The following DOCK2 variants were observed in gnomAD, a reference collection of about 807,000 sequenced individuals.
The protein encoded by DOCK2 is dedicator of cytokinesis protein 2.
In DOCK2, 87 loss-of-function variants were observed where a neutral mutation model predicts 248.9. The ratio of observed to expected loss-of-function variants is 0.35; its 90% confidence interval spans 0.29 to 0.42. DOCK2 has a LOEUF of 0.42. Among genes scored for constraint, DOCK2 ranks in the 10% least tolerant of loss-of-function variants. DOCK2 has a pLI of 1.00. For missense variants in DOCK2, 1,747 were observed against 2,300.2 expected (o/e 0.76, Z 4.92); for synonymous variants, 805 against 821.6 (o/e 0.98, Z 0.35).
At chr5:169,973,825 A>G (rs1218968012) in intron 27 of DOCK2, among the ~76,000 whole-genome samples, 2 of 152,158 alleles carry the variant, frequency 1.3e-5, no homozygotes, top group Admixed American at 6.5e-5. Context: ...CTATCTGTGT[A>G]TATCATCTAG....
intron 32 of DOCK2, among the ~76,000 whole-genome samples, chr5:170,010,797 C>G (rs1026124150): frequency 2.0e-5 from 3 of 152,160 alleles, no homozygotes; most frequent in Non-Finnish European, 2.9e-5. Context: ...TTCCCCAGCT[C>G]GACACCCCAG....
Position 169,642,566 on chromosome 5 carries a change from G to A in DOCK2, c.43+5197G>A, listed in dbSNP as rs549043295. 8.5e-5 allele frequency among the ~76,000 whole-genome samples: 13 copies of A among 152,286 alleles called. No homozygotes were observed. The South Asian group carries it at 2.5e-3, about 29-fold the overall frequency. ...GCTACAGTGGCTGACTGTACCTTTG[G>A]ATTGGTCCCCAGAAATTAGTCTGGT... On this transcript the variant is annotated intron_variant, in intron 1 of 51. Coordinates refer to ENST00000520908, the MANE Select transcript of DOCK2 (RefSeq NM_004946.3).
chr5:169,853,203 C>T (rs893534810), intron 27 of DOCK2, among the ~76,000 whole-genome samples: 1 of 152,218 alleles, frequency 6.6e-6, no homozygotes, highest in Non-Finnish European at 1.5e-5. Flanking sequence ...ACTCCCCAGC[C>T]AAGTGGAACT....
At chr5:169,796,896 G>A (rs1766687781) in intron 25 of DOCK2, among the ~76,000 whole-genome samples, 1 of 152,212 alleles carries the variant, frequency 6.6e-6, no homozygotes, top group African/African-American at 2.4e-5. Flanking sequence ...CGCCCACGAT[G>A]AGTTAAGGGA....
chr5:169,815,349 T>C (rs1767999065), intron 26 of DOCK2, among the ~76,000 whole-genome samples: 1 of 152,232 alleles, frequency 6.6e-6, no homozygotes, highest in South Asian at 2.1e-4. Flanking sequence ...CAGCATCAGC[T>C]AGAAATACTT....
intron 27 of DOCK2, among the ~76,000 whole-genome samples, chr5:169,956,552 A>T (rs1407103379): frequency 6.6e-6 from 1 of 152,244 alleles, no homozygotes; most frequent in African/African-American, 2.4e-5. Context: ...GAAAGGTATC[A>T]TCTACCTTTT....
At position 169,921,663 on chromosome 5, in the gene DOCK2, C is replaced by A. The variant is rs554893398; in HGVS notation, c.2800-61405C>A. On this transcript the variant is annotated intron_variant, in intron 27 of 51. Coordinates refer to ENST00000520908, the MANE Select transcript of DOCK2 (RefSeq NM_004946.3). ...ACCTCATCAAAGAGCCCTTACAGAG[C>A]TGTGGAGAGGAGCACTTGGGAGAAG... Among the ~76,000 whole-genome samples the A allele has an allele frequency of 5.0e-4, 76 of 152,276 alleles. 2 individuals carry two copies. In the South Asian group the frequency reaches 5.6e-3, roughly 11 times the overall value.
At chr5:169,699,542 C>A in intron 12 of DOCK2, 84 bp downstream of exon 12, 2 of 1,325,832 alleles carry the variant, frequency 1.5e-6, no homozygotes, top group Non-Finnish European at 2.1e-6. Context: ...AAATCCTGAA[C>A]CCTGGGATAC....
At chr5:169,771,202 A>G (rs1014767945) in intron 25 of DOCK2, among the ~76,000 whole-genome samples, 1 of 152,200 alleles carries the variant, frequency 6.6e-6, no homozygotes, top group African/African-American at 2.4e-5. Context: ...ATCACCAGTA[A>G]TGCTGAAAAT....
intron 27 of DOCK2, among the ~76,000 whole-genome samples, chr5:169,955,142 G>A (rs1776811264): frequency 2.0e-5 from 3 of 152,182 alleles, no homozygotes; most frequent in Admixed American, 2.0e-4. Context: ...TGGAAGCTGA[G>A]GAGCTACATG....
At chr5:169,818,263 G>A (rs1768194643) in intron 26 of DOCK2, among the ~76,000 whole-genome samples, 1 of 152,180 alleles carries the variant, frequency 6.6e-6, no homozygotes. Flanking sequence ...TACGATGTCT[G>A]TTTTCTCATC....
At chr5:169,991,549 T>C (rs913915409) in intron 29 of DOCK2, among the ~76,000 whole-genome samples, 1 of 152,246 alleles carries the variant, frequency 6.6e-6, no homozygotes, top group Non-Finnish European at 1.5e-5. Context: ...GGTATTTCCA[T>C]TGCACAGTGC....
At chr5:169,847,155 T>C (rs30082) in intron 27 of DOCK2, among the ~76,000 whole-genome samples, 51,622 of 152,132 alleles carry the variant, frequency 0.34, 9,673 homozygotes, top group East Asian at 0.69. Flanking sequence ...GCTATAAACA[T>C]ACATGTGCGA....
intron 22 of DOCK2, among the ~76,000 whole-genome samples, chr5:169,741,448 G>T (rs189525252): frequency 6.6e-6 from 1 of 152,192 alleles, no homozygotes; most frequent in Non-Finnish European, 1.5e-5. Context: ...TGGGGTGGGA[G>T]GGAGAGAGGG....
chr5:170,077,892 C>T, intron 48 of DOCK2, 55 bp downstream of exon 48: 5 of 1,420,956 alleles, frequency 3.5e-6, no homozygotes, highest in Non-Finnish European at 4.9e-6. Flanking sequence ...TGGCTCTATC[C>T]CCCCTCCTTC....
At chr5:169,876,668 G>A (rs1009313910) in intron 27 of DOCK2, among the ~76,000 whole-genome samples, 10 of 152,156 alleles carry the variant, frequency 6.6e-5, no homozygotes, top group Non-Finnish European at 8.8e-5. Context: ...GGCAACCTAC[G>A]GGCTTACATT....
chr5:169,714,706 T>C (rs993557547), intron 19 of DOCK2, among the ~76,000 whole-genome samples: 2 of 152,172 alleles, frequency 1.3e-5, no homozygotes, highest in Admixed American at 1.3e-4. Context: ...TAGATGAGCC[T>C]GGGTGTAAAT....
chr5:169,978,027 ATC>A (rs1777778048), intron 27 of DOCK2, among the ~76,000 whole-genome samples: 1 of 152,186 alleles, frequency 6.6e-6, no homozygotes, highest in Admixed American at 6.5e-5. Flanking sequence ...AGAACTTTTC[ATC>A]TGTCTCTGAG....
intron 27 of DOCK2, among the ~76,000 whole-genome samples, chr5:169,938,390 G>C (rs2113699232): frequency 6.6e-6 from 1 of 152,256 alleles, no homozygotes; most frequent in African/African-American, 2.4e-5. Flanking sequence ...AGCTAGATGA[G>C]AGCCTACCTA....
Sources: gnomAD v4.1 joint callset for allele counts (sites outside exome capture counted in the v4.1 genomes callset) on GRCh38, gnomAD v4.1.1 for gene constraint, MANE v1.5 for transcripts, NCBI Gene and HGNC (gene_info 2026-07-23, HGNC 2026-07-21) for gene names.